NIPAL2: variants seen among roughly 807,000 people sequenced by gnomAD.
NIPAL2 encodes NIPA like domain containing 2.
A neutral mutation model predicts 48.9 loss-of-function variants in NIPAL2; 43 were observed. That is an observed-to-expected ratio of 0.88 (90% CI 0.69 to 1.13). The LOEUF (loss-of-function observed/expected upper bound fraction) is 1.13, where lower values mean the gene tolerates loss of function less well. NIPAL2 is among the 50% of genes most tolerant of loss of function. The pLI is 0.00. For synonymous variants in NIPAL2, 167 were observed against 174.6 expected (o/e 0.96, Z 0.34); for missense variants, 446 against 461.4 (o/e 0.97, Z 0.31).
At chr8:98,224,959 G>T (rs1370961783) in intron 4 of NIPAL2, among the ~76,000 whole-genome samples, 1 of 151,874 alleles carries the variant, frequency 6.6e-6, no homozygotes, top group Non-Finnish European at 1.5e-5. Flanking sequence ...GTTTCACCAT[G>T]GTGGCCAGGG....
intron 3 of NIPAL2, among the ~76,000 whole-genome samples, chr8:98,249,548 C>T (rs1001235268): frequency 6.7e-6 from 1 of 149,390 alleles, no homozygotes; most frequent in Non-Finnish European, 1.5e-5. Flanking sequence ...GACATGTATA[C>T]TTTAATTGAA....
At chr8:98,263,144 T>A in intron 1 of NIPAL2, among the ~76,000 whole-genome samples, 1 of 132,116 alleles carries the variant, frequency 7.6e-6, no homozygotes, top group Non-Finnish European at 1.6e-5. Context: ...TAGAGGGAAA[T>A]TTATAGCACT....
chr8:98,193,402 TG>T, intron 10 of NIPAL2: 1 of 1,614,074 alleles, frequency 6.2e-7, no homozygotes, highest in Non-Finnish European at 8.5e-7. Context: ...CCTTTCTCTC[TG>T]GGGTTGTGTC....
At chr8:98,271,391 C>T (rs1815114321) in intron 1 of NIPAL2, among the ~76,000 whole-genome samples, 1 of 152,078 alleles carries the variant, frequency 6.6e-6, no homozygotes, top group African/African-American at 2.4e-5. Flanking sequence ...TTTTGTAGTT[C>T]TCCTTGTAGA....
chr8:98,193,281 A>G, intron 10 of NIPAL2, 191 bp from the exon 11 acceptor site: 1 of 1,308,248 alleles, frequency 7.6e-7, no homozygotes, highest in Non-Finnish European at 1.1e-6. Context: ...TGTGATAGCG[A>G]ATTGTCTGTG....
chr8:98,277,197 C>T (rs1171911692), intron 1 of NIPAL2, among the ~76,000 whole-genome samples: 1 of 151,992 alleles, frequency 6.6e-6, no homozygotes, highest in Non-Finnish European at 1.5e-5. Context: ...TATACTCATA[C>T]AGTTGTGCAG....
intron 9 of NIPAL2, 51 bp downstream of exon 9, chr8:98,195,891 A>G (rs889154903): frequency 7.6e-7 from 1 of 1,313,912 alleles, no homozygotes; most frequent in Non-Finnish European, 1.1e-6. Context: ...CGAAAATCCT[A>G]CGTAAAAGTA....
At chr8:98,261,599 G>A (rs1426844434) in intron 1 of NIPAL2, among the ~76,000 whole-genome samples, 3 of 102,748 alleles carry the variant, frequency 2.9e-5, no homozygotes, top group African/African-American at 7.7e-5. Context: ...AAAGAAATGA[G>A]CAAAGCCTCC....
intron 1 of NIPAL2, among the ~76,000 whole-genome samples, chr8:98,280,736 C>CCATATATATATATA (rs1554578510): frequency 2.6e-5 from 1 of 39,030 alleles, no homozygotes; most frequent in African/African-American, 8.7e-5. Flanking sequence ...TAGTCCATTA[C>CCATATATATATATA]TATATATATA....
intron 1 of NIPAL2, among the ~76,000 whole-genome samples, chr8:98,290,161 AG>A (rs995262178): frequency 2.6e-5 from 4 of 152,286 alleles, no homozygotes; most frequent in South Asian, 4.1e-4. Flanking sequence ...TTTGAGGTTG[AG>A]GGGGGCTCAA....
chr8:98,260,678 G>A (rs1163155333), intron 1 of NIPAL2, among the ~76,000 whole-genome samples: 2 of 152,218 alleles, frequency 1.3e-5, no homozygotes, highest in Non-Finnish European at 2.9e-5. Flanking sequence ...AGATCAAACT[G>A]CAAGGCGGCA....
chr8:98,245,621 G>A (rs755021252), intron 3 of NIPAL2, among the ~76,000 whole-genome samples: 5 of 152,148 alleles, frequency 3.3e-5, no homozygotes, highest in African/African-American at 1.2e-4. Flanking sequence ...AAGTTGAAAA[G>A]ACTCCAAAAA....
chr8:98,227,983 T>C (rs1326194793), intron 4 of NIPAL2, among the ~76,000 whole-genome samples: 1 of 152,222 alleles, frequency 6.6e-6, no homozygotes, highest in East Asian at 1.9e-4. Flanking sequence ...ATGCTCCCTC[T>C]GTGGCCATCA....
chr8:98,271,762 T>C (rs1045862739), intron 1 of NIPAL2, among the ~76,000 whole-genome samples: 20 of 152,164 alleles, frequency 1.3e-4, no homozygotes, highest in African/African-American at 4.6e-4. Context: ...TTCTGTCTTG[T>C]TCCAGTTCTT....
chr8:98,265,845 C>T (rs1207514160), intron 1 of NIPAL2, among the ~76,000 whole-genome samples: 12 of 150,082 alleles, frequency 8.0e-5, no homozygotes, highest in African/African-American at 2.0e-4. Flanking sequence ...ATGTTTATTG[C>T]GGCATTATTC....
rs751751599 is a variant in NIPAL2, at chr8:98,205,227, T to C, written c.675A>G (p.Ser225=). The stretch of plus-strand genomic sequence containing the variant: ...TGATCATGCCTGAGACGGCCTTTAC[T>C]GAAATAACAGTCAATGAGGCTGAAA... ...VAILASLTVI[S]VKAVSGMITF... The change falls in exon 7 of 11, where the codon TCA becomes TCG. Residue 225 remains serine (S), a synonymous_variant. Transcript: ENST00000430223. The C allele has an allele frequency of 1.2e-6, 2 of 1,612,456 alleles. No individual in the cohort carries two copies. Among genetic ancestry groups the C allele is most frequent in the South Asian group, 2.2e-5 (2 of 90,720 alleles).
intron 1 of NIPAL2, among the ~76,000 whole-genome samples, chr8:98,264,457 A>G (rs1408380283): frequency 3.4e-5 from 5 of 149,194 alleles, no homozygotes; most frequent in African/African-American, 1.2e-4. Flanking sequence ...TCAATGTACA[A>G]AAATCACAAG....
intron 1 of NIPAL2, among the ~76,000 whole-genome samples, chr8:98,291,879 A>G (rs1290227117): frequency 6.6e-6 from 1 of 152,232 alleles, no homozygotes; most frequent in Non-Finnish European, 1.5e-5. Context: ...TTCCTCCAGA[A>G]GCACTCACAC....
At chr8:98,214,554 A>AT (rs200516132) in intron 5 of NIPAL2, among the ~76,000 whole-genome samples, 1,524 of 149,546 alleles carry the variant, frequency 0.01, 27 homozygotes, top group African/African-American at 0.035. Context: ...ACCATCACTA[A>AT]TTTTTTTTCT....
Sources: gnomAD v4.1 joint callset for allele counts (sites outside exome capture counted in the v4.1 genomes callset) on GRCh38, gnomAD v4.1.1 for gene constraint, MANE v1.5 for transcripts, NCBI Gene and HGNC (gene_info 2026-07-23, HGNC 2026-07-21) for gene names.